FCF1: variants seen among roughly 807,000 people sequenced by gnomAD.
FCF1 encodes FCF1 rRNA-processing protein.
A neutral mutation model predicts 32.5 loss-of-function variants in FCF1; 17 were observed. The observed-to-expected ratio is 0.52, with a 90% CI of 0.36 to 0.78. The LOEUF is 0.78. FCF1 is among the 30% of genes least tolerant of loss of function. FCF1 has a pLI of 0.00. For missense variants in FCF1, 201 were observed against 241.1 expected, an observed-to-expected ratio of 0.83 and a Z score of 1.10; for synonymous variants, 84 against 78.4, an observed-to-expected ratio of 1.07 and a Z score of -0.38.
intron 6 of FCF1, 34 bp downstream of exon 6, chr14:74,732,852 T>TA (rs577164648): frequency 0.035 from 32,540 of 936,152 alleles, no homozygotes; most frequent in South Asian, 0.047. Context: ...ACTTTGTGCT[T>TA]AAAAAAAAAA....
rs1398273680 is a variant in FCF1, at chr14:74,737,449, C to T, written c.*2519C>T. ...CTGTGGGAAAAGGAAATTTCATTAA[C>T]AGGCCAAATAGTCTGGAGTCATTCT... On this transcript the variant is annotated 3_prime_UTR_variant, in exon 8 of 8. Transcript: ENST00000341162. 1 of 152,178 alleles carries T rather than the reference C, an allele frequency of 6.6e-6. No homozygotes were observed. The highest frequency in any genetic ancestry group is 1.5e-5 in the Non-Finnish European group (1 of 68,054). The allele number at this position is 152,178 out of a possible 1,614,324, so 9.4% of individuals were successfully genotyped here.
intron 7 of FCF1, 71 bp from the exon 8 acceptor site, chr14:74,734,811 A>C (rs2090685182): frequency 7.7e-7 from 1 of 1,291,600 alleles, no homozygotes. Context: ...ATTGCAGTCT[A>C]TAAAGGATGG....
rs182861972 is a variant in FCF1, at chr14:74,734,850, T to G, written c.549-32T>G. 4 of 1,600,414 alleles carry G rather than the reference T, an allele frequency of 2.5e-6. No homozygotes were observed. The African/African-American group carries it at 5.4e-5, about 21-fold the overall frequency. ...TTTAGATGGGTTCTCTTCCCATCTTTCTTACCGGTGTTGATTTTTTGTCCT... is the reference window on the plus strand; with the variant it reads ...TTTAGATGGGTTCTCTTCCCATCTTGCTTACCGGTGTTGATTTTTTGTCCT... On this transcript the variant is annotated intron_variant, in intron 7 of 7. Coordinates refer to ENST00000341162, the MANE Select transcript of FCF1 (RefSeq NM_015962.5).
chr14:74,728,364 C>G (rs1425793942), intron 5 of FCF1, among the ~76,000 whole-genome samples: 1 of 151,990 alleles, frequency 6.6e-6, no homozygotes, highest in Non-Finnish European at 1.5e-5. Flanking sequence ...CTCTTTGAAG[C>G]AATTGTGAAT....
At chr14:74,731,870 A>C (rs2090642618) in intron 5 of FCF1, among the ~76,000 whole-genome samples, 4 of 152,182 alleles carry the variant, frequency 2.6e-5, no homozygotes, top group Admixed American at 2.6e-4. Context: ...ATCACTGTTA[A>C]TAGAAAGAGC....
intron 5 of FCF1, among the ~76,000 whole-genome samples, chr14:74,725,000 A>G (rs1328991862): frequency 2.0e-5 from 3 of 152,030 alleles, no homozygotes; most frequent in Non-Finnish European, 4.4e-5. Flanking sequence ...ATATGTGTGT[A>G]TATGTATATG....
chr14:74,722,047 C>CTTTTTTTTTTTT (rs59367492), intron 4 of FCF1, among the ~76,000 whole-genome samples: 1 of 121,410 alleles, frequency 8.2e-6, no homozygotes, highest in Non-Finnish European at 1.6e-5. Flanking sequence ...TGGGTATTTT[C>CTTTTTTTTTTTT]TTTTTTTTTT....
intron 4 of FCF1, among the ~76,000 whole-genome samples, chr14:74,719,212 T>A (rs1678264794): frequency 6.7e-6 from 1 of 149,792 alleles, no homozygotes; most frequent in African/African-American, 2.5e-5. Flanking sequence ...GGAGGATCAC[T>A]TGAGCCTGGG....
chr14:74,717,883 T>C (rs1836477259), intron 4 of FCF1, among the ~76,000 whole-genome samples: 1 of 149,636 alleles, frequency 6.7e-6, no homozygotes, highest in Non-Finnish European at 1.5e-5. Flanking sequence ...ATATGTATAC[T>C]TTTTTTTTTG....
chr14:74,722,311 G>A (rs898769166), intron 4 of FCF1, among the ~76,000 whole-genome samples: 8 of 152,090 alleles, frequency 5.3e-5, no homozygotes, highest in Non-Finnish European at 5.9e-5. Context: ...GCCTCCCAAA[G>A]TGCTGGGATT....
At chr14:74,732,931 T>C in intron 6 of FCF1, 113 bp downstream of exon 6, 1 of 627,606 alleles carries the variant, frequency 1.6e-6, no homozygotes, top group South Asian at 2.2e-5. Context: ...TATGGTTAAA[T>C]TAAAAAAAAA....
chr14:74,731,924 A>G (rs2140039014), intron 5 of FCF1, among the ~76,000 whole-genome samples: 1 of 152,260 alleles, frequency 6.6e-6, no homozygotes, highest in Non-Finnish European at 1.5e-5. Flanking sequence ...TCTTTTTCAA[A>G]TATGTATGAA....
intron 4 of FCF1, among the ~76,000 whole-genome samples, chr14:74,720,013 G>T (rs931558500): frequency 2.0e-5 from 3 of 152,040 alleles, no homozygotes; most frequent in Non-Finnish European, 4.4e-5. Context: ...GTGGTGGCAG[G>T]TCCCTATAAT....
chr14:74,725,901 A>T (rs906962643), intron 5 of FCF1, among the ~76,000 whole-genome samples: 6 of 150,690 alleles, frequency 4.0e-5, no homozygotes, highest in African/African-American at 1.5e-4. Flanking sequence ...GCGCCACTGC[A>T]CTCCAGCCTG....
chr14:74,734,815 AG>A (rs2090685266), intron 7 of FCF1, 66 bp from the exon 8 acceptor site: 2 of 1,338,270 alleles, frequency 1.5e-6, no homozygotes, highest in African/African-American at 2.9e-5. Context: ...CAGTCTATAA[AG>A]GATGGGTTTT....
chr14:74,716,002 A>G lies in FCF1; in HGVS notation c.195A>G (p.Pro65=), dbSNP rs777306585. The G allele has an allele frequency of 5.6e-6, 9 of 1,613,912 alleles. No homozygotes were observed. The Admixed American group carries it at 1.5e-4, about 27-fold the overall frequency. The change falls in exon 4 of 8, where the codon CCA becomes CCG. Residue 65 remains proline, a synonymous_variant. Transcript: ENST00000341162. ...LFFQYNTQLG[P]PYHILVDTNF... ...TCCAATATAATACACAGCTGGGCCC[A>G]CCTTACCACATCCTCGTTGATACCA...
At chr14:74,719,165 G>A (rs573156092) in intron 4 of FCF1, among the ~76,000 whole-genome samples, 1 of 150,248 alleles carries the variant, frequency 6.7e-6, no homozygotes, top group East Asian at 1.9e-4. Flanking sequence ...ATGCATCGTG[G>A]CATGCACCTG....
At chr14:74,718,647 TGTAAA>T (rs199557725) in intron 4 of FCF1, among the ~76,000 whole-genome samples, 4,364 of 152,064 alleles carry the variant, frequency 0.029, 136 homozygotes, top group African/African-American at 0.078. Flanking sequence ...CTAATTTTTG[TGTAAA>T]GTAGAGACGG....
intron 3 of FCF1, among the ~76,000 whole-genome samples, chr14:74,715,255 A>AG (rs1309671738): frequency 6.6e-6 from 1 of 152,204 alleles, no homozygotes; most frequent in African/African-American, 2.4e-5. Context: ...AGACTGTATC[A>AG]CCAAAAAATA....
Sources: allele counts gnomAD v4.1 joint callset (sites outside exome capture counted in the v4.1 genomes callset), GRCh38; gene constraint gnomAD v4.1.1; transcripts MANE v1.5; gene names NCBI Gene and HGNC (gene_info 2026-07-23, HGNC 2026-07-21).